Variants in E2F2 observed in about 807,000 individuals in gnomAD.
The protein encoded by E2F2 is E2F transcription factor 2, also known as transcription factor E2F2.
Under a neutral mutation model 42.2 loss-of-function variants are expected in E2F2, and 22 were observed. The ratio of observed to expected loss-of-function variants is 0.52; its 90% CI spans 0.37 to 0.74. The LOEUF is 0.74. E2F2 is among the 30% of genes least tolerant of loss of function. The probability of loss-of-function intolerance (pLI) is 0.00; values close to 1 mark genes in which losing one functional copy is unlikely to be tolerated. For missense variants in E2F2, 481 were observed against 557.8 expected (o/e 0.86, Z 1.39); for synonymous variants, 248 against 251.6 (o/e 0.99, Z 0.13).
intron 1 of E2F2, among the ~76,000 whole-genome samples, chr1:23,526,136 C>T (rs1643246718): frequency 6.6e-6 from 1 of 152,136 alleles, no homozygotes; most frequent in South Asian, 2.1e-4. Context: ...CATCCAAACA[C>T]TTTACTGCTC....
chr1:23,512,019 G>A (rs1392066211), intron 6 of E2F2, among the ~76,000 whole-genome samples: 3 of 152,194 alleles, frequency 2.0e-5, no homozygotes, highest in South Asian at 2.1e-4. Flanking sequence ...CCAACATGGT[G>A]AAACACCGTC....
intron 1 of E2F2, among the ~76,000 whole-genome samples, chr1:23,525,547 G>T (rs1643237033): frequency 6.6e-6 from 1 of 152,188 alleles, no homozygotes; most frequent in African/African-American, 2.4e-5. Flanking sequence ...CTATTGTAAG[G>T]ATTCAAGGAA....
At chr1:23,511,672 GTAT>G (rs1313469590) in intron 6 of E2F2, among the ~76,000 whole-genome samples, 1 of 152,220 alleles carries the variant, frequency 6.6e-6, no homozygotes, top group African/African-American at 2.4e-5. Context: ...CCCCAGCCAA[GTAT>G]TATTCTGAAG....
At position 23,524,407 on chromosome 1, in the gene E2F2, C is replaced by T; in HGVS notation, c.334G>A (p.Val112Met). The T allele has an allele frequency of 6.2e-7, 1 of 1,613,362 alleles. No individual in the cohort carries two copies. Among genetic ancestry groups the T allele is most frequent in the Non-Finnish European group, 8.5e-7 (1 of 1,179,684 alleles). Residue 112 changes from valine (V) to methionine (M), a missense_variant, in exon 2 of 7, where the codon GTG becomes ATG. Transcript: ENST00000361729. ...CTTTTGGGGCTGGGGAGGCCATCCA[C>T]TCTGATGCACTTCCCCTTGGGGGTT... Reference protein sequence around the residue: ...FPTPKGKCIRVDGLPSPKTPK... With the variant: ...FPTPKGKCIRMDGLPSPKTPK...
rs1036272797 is a variant in E2F2, at chr1:23,508,571, C to T, written c.*1309G>A. ...GGGGGAACAGGCTGAAGCCAAAAGACCCCCTCAGGACCCCAGGCCTGCAGA... is the reference window on the plus strand; with the variant it reads ...GGGGGAACAGGCTGAAGCCAAAAGATCCCCTCAGGACCCCAGGCCTGCAGA... On this transcript the variant is annotated 3_prime_UTR_variant, in exon 7 of 7. Coordinates refer to ENST00000361729, the MANE Select transcript of E2F2 (RefSeq NM_004091.4). 6.6e-6 allele frequency: 1 copy of T among 152,324 alleles called. No homozygotes were observed. The highest frequency in any genetic ancestry group is 1.5e-5 in the Non-Finnish European group (1 of 68,152). 9.4% of individuals were successfully genotyped at this position (152,324 alleles called of 1,614,324 possible).
chr1:23,518,934 A>C (rs1643080575), intron 5 of E2F2, 82 bp downstream of exon 5: 1 of 1,099,802 alleles, frequency 9.1e-7, no homozygotes, highest in African/African-American at 1.6e-5. Flanking sequence ...AGGCAGTGCC[A>C]GGGACAGAGT....
chr1:23,525,191 C>T (rs931833180), intron 1 of E2F2, among the ~76,000 whole-genome samples: 2 of 136,470 alleles, frequency 1.5e-5, no homozygotes, highest in Admixed American at 1.5e-4. Context: ...TGAGGCCACC[C>T]CCCCCCTCCA....
intron 4 of E2F2, 195 bp from the exon 5 acceptor site, chr1:23,519,325 ATATAAATCATAAAAAATGTTGCCTTACAT>A (rs1394849349): frequency 7.5e-6 from 3 of 398,814 alleles, no homozygotes; most frequent in East Asian, 3.8e-5. Flanking sequence ...GCAAATGGGA[ATATAAATCATAAAAAATGTTGCCTTACAT>A]TATAAATCAT....
rs371070270 is a variant in E2F2 at position 23,522,013 on chromosome 1, C to T, written c.402G>A (p.Leu134=). 2 of 1,614,164 alleles carry T rather than the reference C, an allele frequency of 1.2e-6. No homozygotes were observed. The highest frequency in any genetic ancestry group is 1.7e-6 in the Non-Finnish European group (2 of 1,180,036). ...PGEKTRYDTS[L]GLLTKKFIYL... ...AAATGAACTTCTTGGTGAGCAGCCCCAGCGAAGTGTCATACCGAGTCTTCT... is the reference window on the plus strand; with the variant it reads ...AAATGAACTTCTTGGTGAGCAGCCCTAGCGAAGTGTCATACCGAGTCTTCT... Residue 134 remains leucine, a synonymous_variant, in exon 3 of 7, where the codon CTG becomes CTA. Transcript: ENST00000361729.
intron 2 of E2F2, among the ~76,000 whole-genome samples, chr1:23,524,116 C>G (rs1404985553): frequency 7.1e-6 from 1 of 141,356 alleles, no homozygotes; most frequent in Non-Finnish European, 1.5e-5. Flanking sequence ...AAAAAAAACA[C>G]AGAAGTAATG....
At chr1:23,527,541 C>T (rs1288028451) in intron 1 of E2F2, among the ~76,000 whole-genome samples, 2 of 152,240 alleles carry the variant, frequency 1.3e-5, no homozygotes, top group African/African-American at 4.8e-5. Context: ...GCACAACCCC[C>T]TTACGGGCAC....
Position 23,530,394 on chromosome 1 carries a change from G to A in E2F2, c.252+148C>T. 1 of 1,065,546 alleles carries A rather than the reference G, an allele frequency of 9.4e-7. No homozygotes were observed. Among genetic ancestry groups the A allele is most frequent in the East Asian group, 2.6e-5 (1 of 38,458 alleles). 66.0% of individuals were successfully genotyped at this position (1,065,546 alleles called of 1,614,324 possible). On this transcript the variant is annotated intron_variant, in intron 1 of 6. Coordinates refer to ENST00000361729, the MANE Select transcript of E2F2 (RefSeq NM_004091.4). The surrounding 1 kb of genome is among the most constrained non-coding windows in gnomAD (Gnocchi z 4.4). ...TGAAGGGGTCTTCTACTCAGATATTGGGGGCACTGGGTCCTGGAAACTGAA... is the reference window on the plus strand; with the variant it reads ...TGAAGGGGTCTTCTACTCAGATATTAGGGGCACTGGGTCCTGGAAACTGAA...
chr1:23,520,229 G>A (rs1039310495), intron 4 of E2F2, among the ~76,000 whole-genome samples: 6 of 116,834 alleles, frequency 5.1e-5, no homozygotes, highest in African/African-American at 2.2e-4. Context: ...CTGGGCAAGA[G>A]TGAGACTCTG....
chr1:23,516,211 G>A (rs1643013800), intron 6 of E2F2, 124 bp downstream of exon 6: 1 of 1,261,824 alleles, frequency 7.9e-7, no homozygotes, highest in South Asian at 1.9e-5. Context: ...ACATGTGTGG[G>A]GTAGGATGAC....
chr1:23,511,809 G>A (rs753877144), intron 6 of E2F2, among the ~76,000 whole-genome samples: 23 of 152,048 alleles, frequency 1.5e-4, no homozygotes, highest in Non-Finnish European at 3.1e-4. Flanking sequence ...TGGACTTCAC[G>A]TTTTAGAGCA....
chr1:23,519,149 G>T lies in E2F2; in HGVS notation c.738-19C>A. ...GGCCAGCGTAGGGCAGGAGAGTCAAGAAAAGTGACTGTCTGGTCAAAATTC... is the reference window on the plus strand; with the variant it reads ...GGCCAGCGTAGGGCAGGAGAGTCAATAAAAGTGACTGTCTGGTCAAAATTC... On this transcript the variant is annotated intron_variant, in intron 4 of 6. Transcript: ENST00000361729. 1 of 1,597,384 alleles carries T rather than the reference G, an allele frequency of 6.3e-7. No homozygotes were observed. Among genetic ancestry groups the T allele is most frequent in the Non-Finnish European group, 8.6e-7 (1 of 1,166,256 alleles).
rs943231231 is a variant in E2F2 at position 23,511,240 on chromosome 1, C to CTTT, written c.1046-1095_1046-1093dup. ...ATGCTCATTTCTTTCTCGCCGCCTT[C>CTTT]TTTTTTTTTTTTTGAAACAGGGTCT... is the stretch of plus-strand genomic sequence containing the variant. On this transcript the variant is annotated intron_variant, in intron 6 of 6. Coordinates refer to ENST00000361729, the MANE Select transcript of E2F2 (RefSeq NM_004091.4). Among the ~76,000 whole-genome samples the CTTT allele has an allele frequency of 5.5e-5, 8 of 145,936 alleles. 1 individual carries two copies. Among genetic ancestry groups the CTTT allele is most frequent in the Non-Finnish European group, 7.6e-5 (5 of 66,022 alleles).
chr1:23,521,860 C>T lies in E2F2; in HGVS notation c.555G>A (p.Lys185=). The T allele has an allele frequency of 1.2e-6, 2 of 1,614,010 alleles. No homozygotes were observed. The highest frequency in any genetic ancestry group is 1.7e-6 in the Non-Finnish European group (2 of 1,180,014). ...VLEGIQLIRK[K]AKNNIQWVGR... ...ACACCCACTGGATGTTGTTCTTGGC[C>T]TTCTTGCGGATGAGCTGGATGCCTT... Residue 185 remains lysine, a synonymous_variant, in exon 3 of 7, where the codon AAG becomes AAA. Transcript: ENST00000361729.
At position 23,530,847 on chromosome 1, in the gene E2F2, C is replaced by T; in HGVS notation, c.-54G>A. On this transcript the variant is annotated 5_prime_UTR_variant, in exon 1 of 7. Transcript: ENST00000361729. The surrounding 1 kb of genome is among the most constrained non-coding windows in gnomAD (Gnocchi z 4.4). Reference sequence around the variant, plus strand: ...GGCTTGGCGCGCCCGCGGACACCTGCGGGTTCCGGTGCTGCCGCCTTTCAC... The same window carrying T: ...GGCTTGGCGCGCCCGCGGACACCTGTGGGTTCCGGTGCTGCCGCCTTTCAC... 2 of 1,426,056 alleles carry T rather than the reference C, an allele frequency of 1.4e-6. No individual in the cohort carries two copies. Among genetic ancestry groups the T allele is most frequent in the Non-Finnish European group, 1.8e-6 (2 of 1,091,288 alleles). The allele number at this position is 1,426,056 out of a possible 1,614,324, so 88.3% of individuals were successfully genotyped here.
Sources: gnomAD v4.1 joint callset for allele counts (sites outside exome capture counted in the v4.1 genomes callset) on GRCh38, gnomAD v4.1.1 for gene constraint, Gnocchi (gnomAD v3.1) non-coding constraint, MANE v1.5 for transcripts, NCBI Gene and HGNC (gene_info 2026-07-23, HGNC 2026-07-21) for gene names.